The following GRM7 variants were observed in gnomAD, a reference collection of about 807,000 sequenced individuals.
GRM7 encodes glutamate metabotropic receptor 7, also known as metabotropic glutamate receptor 7.
Under a neutral mutation model 84.5 loss-of-function variants are expected in GRM7, and 35 were observed. The ratio of observed to expected loss-of-function variants is 0.41; its 90% CI spans 0.32 to 0.55. The LOEUF (loss-of-function observed/expected upper bound fraction) is 0.55, where lower values mean the gene tolerates loss of function less well. Among genes scored for constraint, GRM7 ranks in the 20% least tolerant of loss-of-function variants. GRM7 has a pLI of 0.19. For missense variants in GRM7, 1,003 were observed against 1,194.6 expected, an observed-to-expected ratio of 0.84 and a Z score of 2.36; for synonymous variants, 487 against 455.1, an observed-to-expected ratio of 1.07 and a Z score of -0.89.
In GRM7 at chr3:6,862,727, C is replaced by CG; in HGVS notation, c.519+820_519+821insG. 3.6e-6 allele frequency: 1 copy of CG among 280,232 alleles called. No homozygotes were observed. The highest frequency in any genetic ancestry group is 7.1e-6 in the Non-Finnish European group (1 of 140,574). 17.4% of individuals were successfully genotyped at this position (280,232 alleles called of 1,614,324 possible). A position where few individuals can be genotyped will look rare whatever the true frequency, so the allele number is the denominator to read the frequency against. The stretch of plus-strand genomic sequence containing the variant: ...TCTCCCTGCCTCCTCCCTCCTCCCC[C>CG]CCGCCCCCCTCACCCACTATCTCCC... On this transcript the variant is annotated intron_variant, in intron 1 of 9. Transcript: ENST00000357716. The surrounding 1 kb of genome is among the most constrained non-coding windows in gnomAD (Gnocchi z 5.2).
chr3:6,900,487 A>G (rs1200227615), intron 1 of GRM7, among the ~76,000 whole-genome samples: 2 of 152,178 alleles, frequency 1.3e-5, no homozygotes, highest in African/African-American at 4.8e-5. Flanking sequence ...TTATTATATA[A>G]AAAAAGGAAA....
At chr3:7,023,172 G>T (rs542991008) in intron 1 of GRM7, among the ~76,000 whole-genome samples, 1 of 152,244 alleles carries the variant, frequency 6.6e-6, no homozygotes, top group Non-Finnish European at 1.5e-5. Context: ...TAAATGAAAA[G>T]TGTCCGGGCC....
intron 8 of GRM7, among the ~76,000 whole-genome samples, chr3:7,646,220 C>T (rs548409235): frequency 2.4e-4 from 37 of 152,242 alleles, no homozygotes; most frequent in Admixed American, 5.2e-4. Flanking sequence ...GAGATGGAGT[C>T]TCACTCTGTT....
intron 2 of GRM7, among the ~76,000 whole-genome samples, chr3:7,296,000 A>G (rs1157232053): frequency 6.6e-6 from 1 of 152,114 alleles, no homozygotes; most frequent in African/African-American, 2.4e-5. Flanking sequence ...ATGTGATGCT[A>G]GCTGTAGGCT....
chr3:7,290,785 G>A (rs1190896877), intron 2 of GRM7, among the ~76,000 whole-genome samples: 2 of 152,052 alleles, frequency 1.3e-5, no homozygotes, highest in African/African-American at 4.8e-5. Context: ...AAACTTCTGG[G>A]GGTGTTCATC....
intron 9 of GRM7, among the ~76,000 whole-genome samples, chr3:7,711,601 C>A (rs1701579758): frequency 6.6e-6 from 1 of 152,208 alleles, no homozygotes; most frequent in African/African-American, 2.4e-5. Flanking sequence ...TATAGCATTT[C>A]TCAAAGGCAT....
chr3:7,543,082 A>G (rs1039612811), intron 7 of GRM7, among the ~76,000 whole-genome samples: 1 of 152,176 alleles, frequency 6.6e-6, no homozygotes, highest in Non-Finnish European at 1.5e-5. Flanking sequence ...GAACAAATGA[A>G]TGAATGAATA....
At chr3:7,343,211 A>C (rs17047178) in intron 4 of GRM7, among the ~76,000 whole-genome samples, 6,328 of 151,992 alleles carry the variant, frequency 0.042, 295 homozygotes, top group African/African-American at 0.12. Flanking sequence ...CAGTTTACAG[A>C]TCTTTTAAGA....
At chr3:7,429,197 T>G (rs1349263628) in intron 5 of GRM7, among the ~76,000 whole-genome samples, 1 of 152,062 alleles carries the variant, frequency 6.6e-6, no homozygotes. Context: ...AGAGTTTTGT[T>G]TTTTTTTGTT....
intron 7 of GRM7, among the ~76,000 whole-genome samples, chr3:7,473,614 AGG>A (rs1698803444): frequency 6.6e-6 from 1 of 152,110 alleles, no homozygotes; most frequent in Non-Finnish European, 1.5e-5. Context: ...GTTTAAATTA[AGG>A]CACTTCTTTC....
At chr3:7,252,758 G>A (rs545832685) in intron 2 of GRM7, among the ~76,000 whole-genome samples, 2 of 143,548 alleles carry the variant, frequency 1.4e-5, no homozygotes, top group African/African-American at 5.1e-5. Flanking sequence ...GTGTGATCTC[G>A]GCTCACTGCA....
intron 1 of GRM7, among the ~76,000 whole-genome samples, chr3:7,049,368 C>A (rs540079327): frequency 6.6e-6 from 1 of 152,096 alleles, no homozygotes; most frequent in East Asian, 1.9e-4. Flanking sequence ...ACATGGCAGG[C>A]AAGAGAGCTT....
intron 7 of GRM7, among the ~76,000 whole-genome samples, chr3:7,521,605 T>C (rs536999149): frequency 6.6e-6 from 1 of 152,298 alleles, no homozygotes; most frequent in South Asian, 2.1e-4. Flanking sequence ...TACCACTCAG[T>C]TAATGGTATT....
intron 8 of GRM7, among the ~76,000 whole-genome samples, chr3:7,661,219 C>A (rs1054534029): frequency 6.6e-6 from 1 of 152,038 alleles, no homozygotes; most frequent in African/African-American, 2.4e-5. Context: ...GATAAAGGGC[C>A]TATATTTGAA....
chr3:6,977,993 G>A (rs963602981), intron 1 of GRM7, among the ~76,000 whole-genome samples: 9 of 152,058 alleles, frequency 5.9e-5, no homozygotes, highest in African/African-American at 2.2e-4. Flanking sequence ...TTGAGTGGTG[G>A]CCCCTCAAAA....
intron 8 of GRM7, among the ~76,000 whole-genome samples, chr3:7,646,965 A>G (rs878915155): frequency 2.0e-5 from 3 of 152,186 alleles, no homozygotes; most frequent in Admixed American, 2.0e-4. Flanking sequence ...TACCAGGTAC[A>G]CTTGTAGAGG....
In GRM7 at chr3:6,971,128, G is replaced by A. The variant is rs1007994121; in HGVS notation, c.519+109221G>A. 7.0e-4 allele frequency among the ~76,000 whole-genome samples: 105 copies of A among 150,882 alleles called. 1 individual carries two copies. Among genetic ancestry groups the A allele is most frequent in the Non-Finnish European group, 1.5e-3 (99 of 67,854 alleles). ...AAGGTTTACAGTATTTACCGAGGGA[G>A]AGGATGCAAAACATGAAAGTAAAAC... On this transcript the variant is annotated intron_variant, in intron 1 of 9. Coordinates refer to ENST00000357716, the MANE Select transcript of GRM7 (RefSeq NM_000844.4).
chr3:6,879,329 A>G (rs1226710254), intron 1 of GRM7, among the ~76,000 whole-genome samples: 1 of 152,176 alleles, frequency 6.6e-6, no homozygotes, highest in Non-Finnish European at 1.5e-5. Flanking sequence ...ATACAGTGTG[A>G]TGTTTTTGAT....
chr3:6,901,897 A>G (rs1292726695), intron 1 of GRM7, among the ~76,000 whole-genome samples: 3 of 151,934 alleles, frequency 2.0e-5, no homozygotes, highest in Admixed American at 6.6e-5. Flanking sequence ...TTAAGTTTCT[A>G]TTTGTTGAAC....
Sources: allele counts gnomAD v4.1 joint callset (sites outside exome capture counted in the v4.1 genomes callset), GRCh38; gene constraint gnomAD v4.1.1; non-coding constraint Gnocchi (gnomAD v3.1); transcripts MANE v1.5; gene names NCBI Gene and HGNC (gene_info 2026-07-23, HGNC 2026-07-21).